Variants in GARRE1 observed in about 807,000 individuals in gnomAD.
GARRE1 encodes granule associated Rac and RHOG effector 1.
A neutral mutation model predicts 103.2 loss-of-function variants in GARRE1; 49 were observed. The observed-to-expected ratio is 0.47, with a 90% CI of 0.38 to 0.60. GARRE1 has a LOEUF of 0.60. GARRE1 is among the 20% of genes least tolerant of loss of function. GARRE1 has a pLI of 0.00. For missense variants in GARRE1, 1,199 were observed against 1,370.5 expected (o/e 0.87, Z 1.98); for synonymous variants, 505 against 532.8 (o/e 0.95, Z 0.72).
At chr19:34,298,704 T>A (rs2073960480) in intron 1 of GARRE1, among the ~76,000 whole-genome samples, 1 of 149,756 alleles carries the variant, frequency 6.7e-6, no homozygotes, top group Non-Finnish European at 1.5e-5. Context: ...CAAGACTCCA[T>A]CTCAAAAAAA....
chr19:34,297,976 A>G (rs540882350), intron 1 of GARRE1, among the ~76,000 whole-genome samples: 23 of 152,332 alleles, frequency 1.5e-4, no homozygotes, highest in Non-Finnish European at 2.8e-4. Context: ...TGTGTTGCCA[A>G]CACAATCATA....
At chr19:34,295,184 A>T (rs2073940653) in intron 1 of GARRE1, among the ~76,000 whole-genome samples, 1 of 152,162 alleles carries the variant, frequency 6.6e-6, no homozygotes, top group Non-Finnish European at 1.5e-5. Context: ...GGTAACTGCC[A>T]GTCTTCTGGT....
At chr19:34,306,356 T>C (rs2074007492) in intron 2 of GARRE1, among the ~76,000 whole-genome samples, 1 of 152,254 alleles carries the variant, frequency 6.6e-6, no homozygotes, top group African/African-American at 2.4e-5. Flanking sequence ...CCTGTCCCCT[T>C]GCCATGTGGC....
At chr19:34,333,561 G>A (rs1301005389) in intron 7 of GARRE1, 143 bp from the exon 8 acceptor site, 4 of 591,594 alleles carry the variant, frequency 6.8e-6, no homozygotes, top group Admixed American at 2.9e-5. Flanking sequence ...TTGTCTTCAC[G>A]GGGCCCTGAC....
chr19:34,328,148 G>A lies in GARRE1; in HGVS notation c.1101G>A (p.Lys367=), dbSNP rs1193016227. ...CGGCCGCCGACAATCTGAAACTTAAGACGGTAGCTTTCCATGGGGTTCCAG... is the reference window on the plus strand; with the variant it reads ...CGGCCGCCGACAATCTGAAACTTAAAACGGTAGCTTTCCATGGGGTTCCAG... ...NESAADNLKL[K]THTMLQLMKE... The change falls in exon 6 of 14, where the codon AAG becomes AAA. Residue 367 remains lysine (K), a synonymous_variant. Transcript: ENST00000299505. 6.2e-7 allele frequency: 1 copy of A among 1,613,530 alleles called. No homozygotes were observed. The highest frequency in any genetic ancestry group is 1.7e-5 in the Admixed American group (1 of 60,016).
intron 1 of GARRE1, among the ~76,000 whole-genome samples, chr19:34,298,594 C>T (rs2073959892): frequency 6.6e-6 from 1 of 151,804 alleles, no homozygotes; most frequent in Non-Finnish European, 1.5e-5. Flanking sequence ...CTTGTAATCC[C>T]AGCTACTCAG....
intron 2 of GARRE1, among the ~76,000 whole-genome samples, chr19:34,319,184 T>C (rs556931184): frequency 6.6e-6 from 1 of 152,192 alleles, no homozygotes; most frequent in Non-Finnish European, 1.5e-5. Flanking sequence ...GCACATAGTA[T>C]ATATTTAGTA....
chr19:34,341,039 C>T (rs1426694820), intron 9 of GARRE1, among the ~76,000 whole-genome samples: 1 of 152,222 alleles, frequency 6.6e-6, no homozygotes, highest in Admixed American at 6.5e-5. Flanking sequence ...CCCACCACCT[C>T]CCTCTGCTTT....
intron 1 of GARRE1, among the ~76,000 whole-genome samples, chr19:34,294,245 C>A (rs923895505): frequency 6.6e-6 from 1 of 150,670 alleles, no homozygotes; most frequent in Non-Finnish European, 1.5e-5. Flanking sequence ...CATAGTGAGA[C>A]CCTGTCTCTA....
chr19:34,319,871 A>T (rs750831603), intron 2 of GARRE1, 36 bp from the exon 3 acceptor site: 1 of 1,595,140 alleles, frequency 6.3e-7, no homozygotes, highest in South Asian at 1.1e-5. Context: ...ACAGCAACCC[A>T]CAACCTAAAC....
intron 2 of GARRE1, among the ~76,000 whole-genome samples, chr19:34,310,476 T>C (rs930804229): frequency 2.0e-5 from 3 of 152,226 alleles, no homozygotes; most frequent in African/African-American, 4.8e-5. Flanking sequence ...CCTCTGCTAA[T>C]GGTGAAATGT....
At chr19:34,283,659 TAGTC>T (rs2073868136) in intron 1 of GARRE1, among the ~76,000 whole-genome samples, 1 of 152,086 alleles carries the variant, frequency 6.6e-6, no homozygotes, top group East Asian at 1.9e-4. Flanking sequence ...CTCACCCTAT[TAGTC>T]AGACGCCCAG....
At chr19:34,262,348 T>A (rs1236813657) in intron 1 of GARRE1, among the ~76,000 whole-genome samples, 3 of 130,426 alleles carry the variant, frequency 2.3e-5, no homozygotes, top group African/African-American at 8.8e-5. Flanking sequence ...CAGGCTGGAA[T>A]GCAGTAGTGC....
intron 8 of GARRE1, among the ~76,000 whole-genome samples, chr19:34,334,860 C>T (rs1453501531): frequency 6.6e-6 from 1 of 152,088 alleles, no homozygotes; most frequent in South Asian, 2.1e-4. Context: ...TCCAGACCAG[C>T]CTGGCCAACA....
intron 1 of GARRE1, among the ~76,000 whole-genome samples, chr19:34,258,881 A>G (rs2073694092): frequency 6.6e-6 from 1 of 152,148 alleles, no homozygotes; most frequent in South Asian, 2.1e-4. Context: ...CCTGGGCAAC[A>G]TAGTGAGACC....
intron 1 of GARRE1, among the ~76,000 whole-genome samples, chr19:34,297,287 C>CA (rs922838094): frequency 2.1e-4 from 30 of 139,708 alleles, no homozygotes; most frequent in African/African-American, 4.8e-4. Flanking sequence ...AACTCTGTCT[C>CA]AAAAAAAAAA....
At chr19:34,322,258 G>A (rs1055083052) in intron 3 of GARRE1, among the ~76,000 whole-genome samples, 9 of 152,054 alleles carry the variant, frequency 5.9e-5, no homozygotes, top group Non-Finnish European at 1.3e-4. Flanking sequence ...TGCAACCTCT[G>A]CCTCCCAGAT....
chr19:34,260,365 ACAT>A (rs575229928), intron 1 of GARRE1, among the ~76,000 whole-genome samples: 3 of 152,248 alleles, frequency 2.0e-5, no homozygotes, highest in South Asian at 2.1e-4. Context: ...AAAATAAAAA[ACAT>A]CATGTGACTT....
rs2073974780 is a variant in GARRE1 at position 34,300,817 on chromosome 19, C to T, written c.344C>T (p.Thr115Ile). ...AACTCTCACTACTCAAAGGCAGCCACACAGCTCAAAGATGTGCAGGAGCAT... is the reference window on the plus strand; with the variant it reads ...AACTCTCACTACTCAAAGGCAGCCATACAGCTCAAAGATGTGCAGGAGCAT... ...FRNSHYSKAA[T>I]QLKDVQEHVM... Residue 115 changes from threonine to isoleucine, a missense_variant, in exon 2 of 14, where the codon ACA (threonine) becomes ATA (isoleucine). Coordinates refer to ENST00000299505, the MANE Select transcript of GARRE1 (RefSeq NM_014686.5). The T allele has an allele frequency of 6.2e-7, 1 of 1,614,106 alleles. No individual in the cohort carries two copies. Among genetic ancestry groups the T allele is most frequent in the African/African-American group, 1.3e-5 (1 of 74,944 alleles).
Sources: gnomAD v4.1 joint callset for allele counts (sites outside exome capture counted in the v4.1 genomes callset) on GRCh38, gnomAD v4.1.1 for gene constraint, MANE v1.5 for transcripts, NCBI Gene and HGNC (gene_info 2026-07-23, HGNC 2026-07-21) for gene names.